KLHL5: variants seen among roughly 807,000 people sequenced by gnomAD.
KLHL5 encodes the protein kelch-like protein 5.
KLHL5 carries 48 observed loss-of-function variants against 77.7 expected under a neutral mutation model. The observed-to-expected ratio is 0.62, with a 90% confidence interval of 0.49 to 0.79. The LOEUF (loss-of-function observed/expected upper bound fraction) is 0.79. KLHL5 is among the 30% of genes least tolerant of loss of function. The pLI is 0.00. For synonymous variants in KLHL5, 260 were observed against 297.0 expected, an observed-to-expected ratio of 0.88 and a Z score of 1.28; for missense variants, 723 against 859.7, an observed-to-expected ratio of 0.84 and a Z score of 1.99.
rs1560434913 is a variant in KLHL5, at chr4:39,103,973, T to TA, written c.1525+462_1525+463insA. 5.4e-3 allele frequency among the ~76,000 whole-genome samples: 116 copies of TA among 21,484 alleles called. 1 individual carries two copies. The highest frequency in any genetic ancestry group is 0.05 in the Middle Eastern group (1 of 20). The allele number at this position is 21,484 out of a possible 152,430, so 14.1% of individuals were successfully genotyped here. ...ACTCCAGCCTGGCAAAACATCTATC[T>TA]CAAAAAAAAAAAAAAAAAAAAGGAT... On this transcript the variant is annotated intron_variant, in intron 7 of 10. Coordinates refer to ENST00000504108, the MANE Select transcript of KLHL5 (RefSeq NM_015990.5).
intron 1 of KLHL5, among the ~76,000 whole-genome samples, chr4:39,066,915 CTT>C (rs1717940527): frequency 6.6e-6 from 1 of 152,092 alleles, no homozygotes; most frequent in African/African-American, 2.4e-5. Flanking sequence ...TAAAAAGAAA[CTT>C]TATTTTTTTA....
Position 39,071,370 on chromosome 4 carries a change from G to A in KLHL5, c.384-4595G>A, listed in dbSNP as rs909324200. Among the ~76,000 whole-genome samples, 19 of 152,204 alleles carry A rather than the reference G, an allele frequency of 1.2e-4. No homozygotes were observed. In the East Asian group the frequency reaches 1.7e-3, roughly 14 times the overall value. On this transcript the variant is annotated intron_variant, in intron 1 of 10. Transcript: ENST00000504108. ...GAGCTTTTTTTCCTACTCATAGACA[G>A]TATAACTTTTATAAATTAATTTGTA...
At chr4:39,073,573 C>A (rs549746504) in intron 1 of KLHL5, among the ~76,000 whole-genome samples, 121 of 152,060 alleles carry the variant, frequency 8.0e-4, no homozygotes, top group African/African-American at 2.8e-3. Flanking sequence ...CTCTTATAAT[C>A]ATTTGTCAAT....
intron 1 of KLHL5, among the ~76,000 whole-genome samples, chr4:39,045,377 G>A (rs1194525303): frequency 5.3e-5 from 8 of 151,768 alleles, no homozygotes; most frequent in Non-Finnish European, 1.2e-4. Flanking sequence ...TGGAGTTGTG[G>A]AAAGTTGTGG....
chr4:39,048,934 G>C (rs952539891), intron 1 of KLHL5, among the ~76,000 whole-genome samples: 1 of 152,052 alleles, frequency 6.6e-6, no homozygotes, highest in Admixed American at 6.6e-5. Flanking sequence ...GAACCACCGC[G>C]CCTGGTGTAC....
At chr4:39,061,011 C>G (rs1717368773), upstream of KLHL5, among the ~76,000 whole-genome samples, 1 of 152,156 alleles carries the variant, frequency 6.6e-6, no homozygotes, top group Admixed American at 6.5e-5. Flanking sequence ...CCACTTCATG[C>G]TTTTATTAGA....
intron 2 of KLHL5, 90 bp downstream of exon 2, chr4:39,076,237 A>T: frequency 8.7e-7 from 1 of 1,144,532 alleles, no homozygotes; most frequent in Non-Finnish European, 1.2e-6. Flanking sequence ...ATTGACTATT[A>T]TGTTTTTGGG....
chr4:39,116,110 A>G (rs1170942710), intron 10 of KLHL5: 3 of 828,062 alleles, frequency 3.6e-6, no homozygotes, highest in Non-Finnish European at 2.9e-6. Flanking sequence ...AGGCGGGCAG[A>G]TCACGAGGTC....
rs577180197 is a variant in KLHL5, at chr4:39,073,863, T to C, written c.384-2102T>C. Among the ~76,000 whole-genome samples, 9 of 151,706 alleles carry C rather than the reference T, an allele frequency of 5.9e-5. No individual in the cohort carries two copies. In the South Asian group the frequency reaches 1.9e-3, roughly 32 times the overall value. ...TTGTATTTTTAGTAGAGACGGGGTT[T>C]CACCATATTAGCCAGGATGGACTCA... is the stretch of plus-strand genomic sequence containing the variant. On this transcript the variant is annotated intron_variant, in intron 1 of 10. Transcript: ENST00000504108.
intron 1 of KLHL5, among the ~76,000 whole-genome samples, chr4:39,053,653 A>T (rs1167890093): frequency 1.3e-5 from 2 of 152,162 alleles, no homozygotes; most frequent in Non-Finnish European, 2.9e-5. Flanking sequence ...TAGCAAGGGA[A>T]CCTTGTGTTT....
At chr4:39,101,126 T>TATACATATATATATATATATA (rs1553892884) in intron 6 of KLHL5, among the ~76,000 whole-genome samples, 3,416 of 134,514 alleles carry the variant, frequency 0.025, 151 homozygotes, top group African/African-American at 0.046. Flanking sequence ...TATTTGGATT[T>TATACATATATATATATATATA]TATATATATA....
intron 1 of KLHL5, among the ~76,000 whole-genome samples, chr4:39,067,225 T>A (rs1277533435): frequency 6.6e-6 from 1 of 152,242 alleles, no homozygotes; most frequent in Non-Finnish European, 1.5e-5. Context: ...TTTTACTTGC[T>A]TTTGATGACC....
intron 1 of KLHL5, chr4:39,063,603 A>G (rs1717624155): frequency 2.2e-6 from 1 of 445,458 alleles, no homozygotes; most frequent in Non-Finnish European, 4.5e-6. Context: ...ATACTAAGTA[A>G]CATGTCTCTA....
Position 39,107,708 on chromosome 4 carries a change from A to T in KLHL5, c.1665A>T (p.Val555=), listed in dbSNP as rs1347011088. 2 of 1,607,070 alleles carry T rather than the reference A, an allele frequency of 1.2e-6. No individual in the cohort carries two copies. Among genetic ancestry groups the T allele is most frequent in the African/African-American group, 1.3e-5 (1 of 74,846 alleles). The change falls in exon 8 of 11, where the codon GTA becomes GTT. Residue 555 remains valine (V), a synonymous_variant. Transcript: ENST00000504108. ...CTATGTCTACCCCTAGGAGTACAGTAGGTGTGGCAGTACTAAGTGGAAAGT... is the reference window on the plus strand; with the variant it reads ...CTATGTCTACCCCTAGGAGTACAGTTGGTGTGGCAGTACTAAGTGGAAAGT... The part of the protein sequence containing the change: ...VATMSTPRST[V]GVAVLSGKLY...
intron 6 of KLHL5, among the ~76,000 whole-genome samples, chr4:39,102,091 A>G (rs1577720368): frequency 6.6e-6 from 1 of 151,190 alleles, no homozygotes; most frequent in African/African-American, 2.4e-5. Context: ...GAAAATCTAT[A>G]TGTATAACAC....
chr4:39,092,268 A>T (rs1720653679), intron 5 of KLHL5, among the ~76,000 whole-genome samples: 1 of 152,170 alleles, frequency 6.6e-6, no homozygotes, highest in Non-Finnish European at 1.5e-5. Flanking sequence ...AATTTTCTAA[A>T]TGATACCTGG....
intron 1 of KLHL5, among the ~76,000 whole-genome samples, chr4:39,066,278 C>T (rs964648861): frequency 9.2e-5 from 14 of 152,126 alleles, no homozygotes; most frequent in African/African-American, 3.4e-4. Context: ...GAATTCATAC[C>T]AGGGCTAGCA....
At chr4:39,109,801 A>G (rs6826509) in intron 8 of KLHL5, among the ~76,000 whole-genome samples, 2,285 of 151,462 alleles carry the variant, frequency 0.015, 56 homozygotes, top group African/African-American at 0.053. Flanking sequence ...CTCCTGCCTC[A>G]GCCTCCCAAG....
chr4:39,077,569 T>G (rs562979246), intron 2 of KLHL5, among the ~76,000 whole-genome samples: 1 of 151,456 alleles, frequency 6.6e-6, no homozygotes, highest in Non-Finnish European at 1.5e-5. Context: ...AATCATAAAA[T>G]CGAAAAATAA....
Sources: gnomAD v4.1 joint callset for allele counts (sites outside exome capture counted in the v4.1 genomes callset) on GRCh38, gnomAD v4.1.1 for gene constraint, MANE v1.5 for transcripts, NCBI Gene and HGNC (gene_info 2026-07-23, HGNC 2026-07-21) for gene names.